The following RPH3A variants were observed in gnomAD, a reference collection of about 807,000 sequenced individuals.
The protein encoded by RPH3A is rabphilin 3A, also known as rabphilin-3A.
A neutral mutation model predicts 102.2 loss-of-function variants in RPH3A; 48 were observed. That is an observed-to-expected ratio of 0.47 (90% CI 0.37 to 0.60). RPH3A has a LOEUF of 0.60. RPH3A is among the 20% of genes least tolerant of loss of function. The probability of loss-of-function intolerance (pLI) is 0.00; values close to 1 mark genes in which losing one functional copy is unlikely to be tolerated. For synonymous variants in RPH3A, 310 were observed against 324.3 expected (o/e 0.96, Z 0.47); for missense variants, 781 against 910.1 (o/e 0.86, Z 1.83).
intron 1 of RPH3A, among the ~76,000 whole-genome samples, chr12:112,680,311 C>T (rs184583024): frequency 3.9e-5 from 6 of 152,266 alleles, no homozygotes; most frequent in South Asian, 2.1e-4. Context: ...TTTCCTCCTA[C>T]GACATTTAGG....
At chr12:112,680,985 C>A (rs1040943805) in intron 1 of RPH3A, among the ~76,000 whole-genome samples, 3 of 152,056 alleles carry the variant, frequency 2.0e-5, no homozygotes, top group African/African-American at 7.2e-5. Context: ...GCATTGCTCC[C>A]AAACCGTTAT....
chr12:112,675,538 C>A (rs2136012269), intron 1 of RPH3A, among the ~76,000 whole-genome samples: 1 of 152,312 alleles, frequency 6.6e-6, no homozygotes, highest in Non-Finnish European at 1.5e-5. Context: ...GGTCCTCCTT[C>A]TCGTAGAAGG....
intron 1 of RPH3A, among the ~76,000 whole-genome samples, chr12:112,685,963 T>G (rs947172742): frequency 3.3e-5 from 5 of 152,172 alleles, no homozygotes; most frequent in Non-Finnish European, 7.3e-5. Context: ...GCCGTTATTT[T>G]CTCCAGGGAA....
At chr12:112,719,445 T>G (rs1331602764) in intron 1 of RPH3A, among the ~76,000 whole-genome samples, 1 of 152,176 alleles carries the variant, frequency 6.6e-6, no homozygotes, top group East Asian at 1.9e-4. Flanking sequence ...CCCATGGTCA[T>G]TACTTGAAGG....
At chr12:112,576,786 A>G (rs2039361995) in intron 1 of RPH3A, among the ~76,000 whole-genome samples, 1 of 150,824 alleles carries the variant, frequency 6.6e-6, no homozygotes, top group African/African-American at 2.4e-5. Context: ...CAGTGTTCAC[A>G]CTGGTCTTAC....
At chr12:112,601,574 T>C (rs1000275246) in intron 1 of RPH3A, among the ~76,000 whole-genome samples, 1 of 152,202 alleles carries the variant, frequency 6.6e-6, no homozygotes, top group Non-Finnish European at 1.5e-5. Flanking sequence ...AGACTATTTT[T>C]TAACATAAAG....
intron 1 of RPH3A, among the ~76,000 whole-genome samples, chr12:112,645,234 T>G (rs969680339): frequency 1.1e-4 from 16 of 152,110 alleles, no homozygotes; most frequent in African/African-American, 3.6e-4. Flanking sequence ...CCACCCTGGA[T>G]TTTTTCCCCC....
chr12:112,602,491 A>G (rs1355272422), intron 1 of RPH3A, among the ~76,000 whole-genome samples: 2 of 152,220 alleles, frequency 1.3e-5, no homozygotes, highest in Non-Finnish European at 2.9e-5. Flanking sequence ...GGAGGAAGCT[A>G]GAGGAAGGAG....
At chr12:112,605,673 C>T (rs2039591215) in intron 1 of RPH3A, among the ~76,000 whole-genome samples, 1 of 152,200 alleles carries the variant, frequency 6.6e-6, no homozygotes, top group African/African-American at 2.4e-5. Flanking sequence ...TATATCTGCC[C>T]AGCTTTCATC....
At chr12:112,666,007 T>C (rs573174117) in intron 1 of RPH3A, among the ~76,000 whole-genome samples, 1 of 152,314 alleles carries the variant, frequency 6.6e-6, no homozygotes, top group South Asian at 2.1e-4. Context: ...GTCAGGTGAA[T>C]CTAAGTGAAC....
intron 1 of RPH3A, among the ~76,000 whole-genome samples, chr12:112,636,326 A>C (rs2039848374): frequency 6.6e-6 from 1 of 152,334 alleles, no homozygotes; most frequent in Non-Finnish European, 1.5e-5. Flanking sequence ...ATTCAGTCAC[A>C]TGGCCACATC....
intron 1 of RPH3A, among the ~76,000 whole-genome samples, chr12:112,660,893 A>C (rs1843233181): frequency 6.6e-6 from 1 of 152,066 alleles, no homozygotes; most frequent in Non-Finnish European, 1.5e-5. Context: ...ATAGATTCTC[A>C]TGGGATCTGA....
At chr12:112,737,286 C>G (rs1474457464) in intron 1 of RPH3A, among the ~76,000 whole-genome samples, 3 of 151,816 alleles carry the variant, frequency 2.0e-5, no homozygotes, top group African/African-American at 7.3e-5. Flanking sequence ...GTGGACCAGA[C>G]TGTTTGAGTT....
intron 2 of RPH3A, among the ~76,000 whole-genome samples, chr12:112,826,104 G>A (rs11066427): frequency 2.5e-5 from 3 of 118,312 alleles, no homozygotes; most frequent in Non-Finnish European, 3.7e-5. Context: ...CACCGACCCC[G>A]CTGTGGGAGC....
At chr12:112,575,487 CGACGAGGGACTTGGGGGCGGGGA>C (rs1412534397) in intron 1 of RPH3A, among the ~76,000 whole-genome samples, 1 of 137,662 alleles carries the variant, frequency 7.3e-6, no homozygotes, top group African/African-American at 2.7e-5. Context: ...GGGGGTGGGG[CGACGAGGGACTTGGGGGCGGGGA>C]GACCCGCGCA....
intron 3 of RPH3A, among the ~76,000 whole-genome samples, chr12:112,835,222 T>C (rs1396133829): frequency 2.0e-5 from 3 of 152,232 alleles, no homozygotes; most frequent in African/African-American, 7.2e-5. Context: ...CCTTTTTTCA[T>C]AGGAAATTGC....
At chr12:112,712,904 CTCTTCTTCTTCTTCT>C (rs1387688395) in intron 1 of RPH3A, among the ~76,000 whole-genome samples, 11 of 92,572 alleles carry the variant, frequency 1.2e-4, no homozygotes, top group Middle Eastern at 5.0e-3. Context: ...CTTCTTCTTC[CTCTTCTTCTTCTTCT>C]TCTTCCTCTT....
Position 112,791,895 on chromosome 12 carries a change from A to AGAGAGAGAGAGAGAGAGAGAGAGAGG in RPH3A, c.-247_-246insGAGAGAGAGAGAGAGGGAGAGAGAGA. 1.3e-5 allele frequency: 2 copies of AGAGAGAGAGAGAGAGAGAGAGAGAGG among 150,702 alleles called. No individual in the cohort carries two copies. The highest frequency in any genetic ancestry group is 6.6e-5 in the Admixed American group (1 of 15,178). 9.3% of individuals were successfully genotyped at this position (150,702 alleles called of 1,614,324 possible). On this transcript the variant is annotated 5_prime_UTR_variant, in exon 1 of 22. Coordinates refer to ENST00000389385, the MANE Select transcript of RPH3A (RefSeq NM_001143854.2). ...GAGAGAGAGAGAGAGAGAGAGAGAGAGAGAGAGAGACTCACAGAGCTAAAA... is the reference window on the plus strand; with the variant it reads ...GAGAGAGAGAGAGAGAGAGAGAGAGAGAGAGAGAGAGAGAGAGAGAGAGAGGGAGAGAGAGACTCACAGAGCTAAAA...
At chr12:112,839,785 C>T (rs148601822) in intron 4 of RPH3A, among the ~76,000 whole-genome samples, 6,722 of 152,192 alleles carry the variant, frequency 0.044, 495 homozygotes, top group African/African-American at 0.15. Flanking sequence ...GTCAGGAATT[C>T]GAGACCAGCC....
Sources: gnomAD v4.1 joint callset for allele counts (sites outside exome capture counted in the v4.1 genomes callset) on GRCh38, gnomAD v4.1.1 for gene constraint, MANE v1.5 for transcripts, NCBI Gene and HGNC (gene_info 2026-07-23, HGNC 2026-07-21) for gene names.